Variants in RICTOR observed in about 807,000 individuals in gnomAD.
The protein encoded by RICTOR is rapamycin-insensitive companion of mTOR.
A neutral mutation model predicts 214.9 loss-of-function variants in RICTOR; 49 were observed. The observed-to-expected ratio is 0.23, with a 90% CI of 0.18 to 0.29. The LOEUF is 0.29. Among genes scored for constraint, RICTOR ranks in the 10% least tolerant of loss-of-function variants. The probability of loss-of-function intolerance (pLI) is 1.00; values close to 1 mark genes in which losing one functional copy is unlikely to be tolerated. For missense variants in RICTOR, 1,625 were observed against 2,047.0 expected, an observed-to-expected ratio of 0.79 and a Z score of 3.98; for synonymous variants, 717 against 711.3, an observed-to-expected ratio of 1.01 and a Z score of -0.13.
chr5:38,966,701 T>A lies in RICTOR; in HGVS notation c.1239A>T (p.Thr413=), dbSNP rs1395023427. The change falls in exon 15 of 38, where the codon ACA becomes ACT. Residue 413 remains threonine, a synonymous_variant. Transcript: ENST00000357387. ...TAACTGAGATATGATCATCACTGTT[T>A]GTTATCACTTCAACTAGACCCTTTG... The part of the protein sequence containing the change: ...GLLEGLVEVI[T]NSDDHISVRA... 1.3e-6 allele frequency: 2 copies of A among 1,582,260 alleles called. No individual in the cohort carries two copies. Among genetic ancestry groups the A allele is most frequent in the Non-Finnish European group, 1.7e-6 (2 of 1,153,790 alleles).
At chr5:39,029,393 T>C (rs1756099095) in intron 2 of RICTOR, among the ~76,000 whole-genome samples, 1 of 152,140 alleles carries the variant, frequency 6.6e-6, no homozygotes, top group Admixed American at 6.5e-5. Flanking sequence ...CAATTCTCTG[T>C]ATGTGCACAT....
chr5:39,015,565 G>C (rs1181039642), intron 3 of RICTOR, among the ~76,000 whole-genome samples: 1 of 151,846 alleles, frequency 6.6e-6, no homozygotes, highest in African/African-American at 2.4e-5. Flanking sequence ...CTAGTAGGTA[G>C]AGGCCGGGGC....
At chr5:39,003,469 C>G in intron 4 of RICTOR, 89 bp downstream of exon 4, 1 of 789,808 alleles carries the variant, frequency 1.3e-6, no homozygotes, top group South Asian at 1.7e-5. Flanking sequence ...ATATGAGGTG[C>G]TGTATTATTC....
intron 3 of RICTOR, among the ~76,000 whole-genome samples, chr5:39,005,760 A>C (rs1026697615): frequency 2.6e-5 from 4 of 152,196 alleles, no homozygotes; most frequent in Admixed American, 6.5e-5. Context: ...CAGAAGGTTC[A>C]GCCTTCTTTC....
chr5:38,943,011 T>C (rs1351722302), intron 36 of RICTOR, 40 bp from the exon 37 acceptor site: 4 of 1,472,904 alleles, frequency 2.7e-6, no homozygotes, highest in Non-Finnish European at 3.8e-6. Context: ...ACTGTAATCA[T>C]GATGTATCTA....
intron 2 of RICTOR, among the ~76,000 whole-genome samples, chr5:39,053,416 T>C (rs1241991589): frequency 3.9e-5 from 6 of 152,168 alleles, no homozygotes; most frequent in Non-Finnish European, 1.5e-5. Context: ...GTCTAGTGAT[T>C]GCTGAGCAAT....
intron 5 of RICTOR, among the ~76,000 whole-genome samples, chr5:38,999,910 G>T (rs1753487311): frequency 2.0e-5 from 3 of 151,828 alleles, no homozygotes; most frequent in Admixed American, 6.6e-5. Flanking sequence ...GACAAAAAAA[G>T]AAAGTAAAAG....
At chr5:39,003,984 A>G (rs1753835140) in intron 3 of RICTOR, among the ~76,000 whole-genome samples, 1 of 152,168 alleles carries the variant, frequency 6.6e-6, no homozygotes, top group African/African-American at 2.4e-5. Flanking sequence ...AATGTCCTCA[A>G]TGCCAGAATC....
chr5:38,992,110 T>C (rs1228937975), intron 6 of RICTOR, among the ~76,000 whole-genome samples: 1 of 152,140 alleles, frequency 6.6e-6, no homozygotes, highest in East Asian at 1.9e-4. Flanking sequence ...TTAAACAGCA[T>C]TTTTAAGACA....
At chr5:39,038,213 A>G (rs544465949) in intron 2 of RICTOR, among the ~76,000 whole-genome samples, 8 of 152,266 alleles carry the variant, frequency 5.3e-5, no homozygotes, top group Non-Finnish European at 1.0e-4. Flanking sequence ...AACCAAAGAC[A>G]AAAACCACAT....
intron 19 of RICTOR, among the ~76,000 whole-genome samples, 198 bp from the exon 20 acceptor site, chr5:38,960,731 T>TTGTA (rs1286304484): frequency 1.1e-5 from 1 of 91,910 alleles, no homozygotes; most frequent in Non-Finnish European, 2.3e-5. Flanking sequence ...TCACCTTGAA[T>TTGTA]TGTAGTTCCC....
At chr5:38,962,445 A>T (rs1344445902) in intron 18 of RICTOR, 40 bp downstream of exon 18, 2 of 1,213,630 alleles carry the variant, frequency 1.6e-6, no homozygotes, top group East Asian at 4.7e-5. Context: ...TTAATAATAA[A>T]ATTAAAGACA....
intron 15 of RICTOR, among the ~76,000 whole-genome samples, chr5:38,965,723 A>C (rs1750159778): frequency 6.6e-6 from 1 of 152,128 alleles, no homozygotes; most frequent in Non-Finnish European, 1.5e-5. Context: ...TGATTTAAAA[A>C]AAGAAAGTTA....
rs746774878 is a variant in RICTOR, at chr5:38,991,006, C to T, written c.526G>A (p.Gly176Arg). 1 of 1,606,212 alleles carries T rather than the reference C, an allele frequency of 6.2e-7. No homozygotes were observed. The highest frequency in any genetic ancestry group is 8.5e-7 in the Non-Finnish European group (1 of 1,175,026). Residue 176 changes from glycine (G) to arginine (R), a missense_variant, in exon 7 of 38, where the codon GGA becomes AGA. By Grantham distance (125) the Gly-to-Arg change is moderately radical. Around this residue, in one of 5 missense-constraint regions of RICTOR, gnomAD observed 258 missense variants for 393.7 expected, o/e 0.66. Coordinates refer to ENST00000357387, the MANE Select transcript of RICTOR (RefSeq NM_152756.5). Reference protein sequence around the residue: ...TNSLIAVGNDGLQERDRMVRA... With the variant: ...TNSLIAVGNDRLQERDRMVRA... ...ACCATTCTGTCTCTTTCTTGAAGTC[C>T]ATCATTTCCAACTGCAATTAATGAG... is the stretch of plus-strand genomic sequence containing the variant.
At chr5:39,030,655 A>G (rs1053562422) in intron 2 of RICTOR, among the ~76,000 whole-genome samples, 5 of 152,210 alleles carry the variant, frequency 3.3e-5, no homozygotes, top group African/African-American at 1.2e-4. Flanking sequence ...CTTTATGAGG[A>G]CAAGGACATC....
chr5:38,960,529 C>A lies in RICTOR; in HGVS notation c.1720G>T (p.Val574Leu). The A allele has an allele frequency of 6.2e-7, 1 of 1,612,680 alleles. No homozygotes were observed. The highest frequency in any genetic ancestry group is 8.5e-7 in the Non-Finnish European group (1 of 1,179,296). Reference sequence around the variant, plus strand: ...TTGTAAAAATAAAGTAGTCTTCGTACAAACCTAAAATCAAAACACAAGTAG... The same window carrying A: ...TTGTAAAAATAAAGTAGTCTTCGTAAAAACCTAAAATCAAAACACAAGTAG... ...NYKDEQLHRF[V>L]RRLLYFYKPS... The change falls in exon 20 of 38, where the codon GTA becomes TTA. Residue 574 changes from valine (V) to leucine (L), a missense_variant. By Grantham distance (32) the Val-to-Leu change is conservative. This residue lies in a region of RICTOR where 1,214 missense variants were observed against 1,470.5 expected (regional missense o/e 0.83). Transcript: ENST00000357387.
chr5:38,964,808 G>A lies in RICTOR; in HGVS notation c.1384C>T (p.Pro462Ser). Residue 462 changes from proline to serine, a missense_variant, in exon 16 of 38, where the codon CCC (proline) becomes TCC (serine). By Grantham distance (74) the Pro-to-Ser change is moderately conservative. Transcript: ENST00000357387. ...GATACTTACAGTCTCTTTTCCTTGG[G>A]GATATCAAAGGATGCAGCCATATTC... is the stretch of plus-strand genomic sequence containing the variant. ...LMNMAASFDI[P>S]KEKRLRASAA... The A allele has an allele frequency of 1.3e-6, 2 of 1,578,266 alleles. No homozygotes were observed. The highest frequency in any genetic ancestry group is 1.7e-6 in the Non-Finnish European group (2 of 1,151,978).
intron 2 of RICTOR, among the ~76,000 whole-genome samples, chr5:39,061,846 A>G (rs1042214377): frequency 6.6e-5 from 10 of 152,152 alleles, no homozygotes; most frequent in African/African-American, 2.4e-4. Flanking sequence ...TCATTCTGCT[A>G]GGTAAAATAA....
At chr5:39,033,096 A>C (rs1756385882) in intron 2 of RICTOR, among the ~76,000 whole-genome samples, 1 of 152,172 alleles carries the variant, frequency 6.6e-6, no homozygotes, top group African/African-American at 2.4e-5. Flanking sequence ...CACTTCCCAA[A>C]GTATCCCAGG....
Sources: allele counts gnomAD v4.1 joint callset (sites outside exome capture counted in the v4.1 genomes callset), GRCh38; gene constraint gnomAD v4.1.1; regional missense constraint gnomAD v4.1.1; transcripts MANE v1.5; gene names NCBI Gene and HGNC (gene_info 2026-07-23, HGNC 2026-07-21).